GAGE10: variants seen among roughly 807,000 people sequenced by gnomAD.
GAGE10 encodes G antigen 10.
In GAGE10, 9 loss-of-function variants were observed where a neutral mutation model predicts 11.5. The ratio of observed to expected loss-of-function variants is 0.78; its 90% CI spans 0.47 to 1.37. The LOEUF is 1.37. Ranked by LOEUF, GAGE10 falls within the 40% of genes most tolerant of loss-of-function variation. The pLI is 0.00. For synonymous variants in GAGE10, 23 were observed against 29.7 expected (o/e 0.77, Z 0.73); for missense variants, 83 against 92.9 (o/e 0.89, Z 0.44).
At chrX:49,316,832 T>C (rs781842784) in intron 3 of GAGE10, among the ~76,000 whole-genome samples, 1 of 111,182 alleles carries the variant, frequency 9.0e-6, no homozygotes, top group African/African-American at 3.3e-5. Context: ...GTCTAAGTGC[T>C]AGGAGTGTAA....
chrX:49,303,823 G>A (rs782317800), intron 1 of GAGE10, 70 bp downstream of exon 1: 2 of 112,761 alleles, frequency 1.8e-5, no homozygotes, highest in East Asian at 2.8e-4. Context: ...AGTGTGCTTC[G>A]GGTGAGTCCG....
chrX:49,310,383 G>A, intron 3 of GAGE10, among the ~76,000 whole-genome samples: 1 of 111,819 alleles, frequency 8.9e-6, no homozygotes, highest in Non-Finnish European at 1.9e-5. Context: ...AGACATGGAC[G>A]CGGGTGTGAA....
At chrX:49,314,429 C>G (rs1226515739) in intron 3 of GAGE10, among the ~76,000 whole-genome samples, 1 of 112,538 alleles carries the variant, frequency 8.9e-6, no homozygotes, top group Non-Finnish European at 1.9e-5. Context: ...AGCTCTAACA[C>G]TTATATTCAG....
chrX:49,304,971 C>CG (rs2066350378), intron 2 of GAGE10, 31 bp downstream of exon 2: 7 of 1,176,140 alleles, frequency 6.0e-6, no homozygotes, highest in African/African-American at 1.8e-5. Flanking sequence ...TCGTTGTTTT[C>CG]TATTAGCAGA....
At chrX:49,313,670 T>G (rs1161368479) in intron 3 of GAGE10, among the ~76,000 whole-genome samples, 1 of 112,017 alleles carries the variant, frequency 8.9e-6, no homozygotes, top group Non-Finnish European at 1.9e-5. Context: ...ATTGTGATCA[T>G]GTCTACTTCC....
chrX:49,314,068 A>G (rs1481069735), intron 3 of GAGE10, among the ~76,000 whole-genome samples: 1 of 112,330 alleles, frequency 8.9e-6, no homozygotes, highest in African/African-American at 3.2e-5. Context: ...AATGCTGCAA[A>G]TGTCTATGCT....
chrX:49,317,069 C>A (rs2066394487), intron 3 of GAGE10, 94 bp from the exon 4 acceptor site: 6 of 996,175 alleles, frequency 6.0e-6, no homozygotes, highest in Non-Finnish European at 8.2e-6. Flanking sequence ...CTAGCTAAAG[C>A]TTTTATATAA....
At chrX:49,304,415 G>A (rs1377227207) in intron 1 of GAGE10, among the ~76,000 whole-genome samples, 1 of 112,847 alleles carries the variant, frequency 8.9e-6, no homozygotes, top group Non-Finnish European at 1.9e-5. Context: ...TTTTCATGTG[G>A]AGTCCACTTG....
At chrX:49,306,396 G>A (rs782369223) in intron 3 of GAGE10, among the ~76,000 whole-genome samples, 23 of 111,442 alleles carry the variant, frequency 2.1e-4, no homozygotes, top group Non-Finnish European at 3.6e-4. Context: ...TGTTCTTCAC[G>A]GGGTTCATTT....
At chrX:49,317,336 G>C (rs1294327133) in intron 4 of GAGE10, 48 bp downstream of exon 4, 2 of 1,161,118 alleles carry the variant, frequency 1.7e-6, no homozygotes, top group African/African-American at 3.6e-5. Context: ...TGTTTCCACA[G>C]TATCGTATCA....
chrX:49,316,083 G>T (rs1483435571), intron 3 of GAGE10, among the ~76,000 whole-genome samples: 5 of 111,821 alleles, frequency 4.5e-5, no homozygotes, highest in African/African-American at 1.6e-4. Context: ...ATTAAAGAAT[G>T]TGTAAGCAAA....
chrX:49,316,787 C>A (rs1286466838), intron 3 of GAGE10, among the ~76,000 whole-genome samples: 2 of 111,253 alleles, frequency 1.8e-5, no homozygotes, highest in Non-Finnish European at 3.8e-5. Context: ...TTTTTAAACT[C>A]AGCATTTATT....
Position 49,305,838 on chromosome X carries a change from G to T in GAGE10, c.202+314G>T, listed in dbSNP as rs185860241. On this transcript the variant is annotated intron_variant, in intron 3 of 4. Transcript: ENST00000407599. ...TACAAAATTTGTATTTTGTTCCAAG[G>T]TTTGTGTCTTCCTACCATCTATGTT... Among the ~76,000 whole-genome samples, 414 of 111,270 alleles carry T rather than the reference G, an allele frequency of 3.7e-3. 4 individuals carry two copies. The Middle Eastern group carries it at 0.051, about 14-fold the overall frequency.
chrX:49,311,242 A>G (rs1164133675), intron 3 of GAGE10, among the ~76,000 whole-genome samples: 1 of 112,261 alleles, frequency 8.9e-6, no homozygotes, highest in Non-Finnish European at 1.9e-5. Flanking sequence ...ATGGCATAAC[A>G]AAACATTTAA....
intron 4 of GAGE10, among the ~76,000 whole-genome samples, chrX:49,317,902 A>G (rs2066400463): frequency 1.3e-5 from 1 of 77,150 alleles, no homozygotes; most frequent in Non-Finnish European, 2.5e-5. Flanking sequence ...TGTAACACCC[A>G]TCACTTGGTG....
At chrX:49,313,759 G>A (rs2066382790) in intron 3 of GAGE10, among the ~76,000 whole-genome samples, 1 of 111,509 alleles carries the variant, frequency 9.0e-6, no homozygotes, top group African/African-American at 3.3e-5. Context: ...GACTCCCGAC[G>A]ATGACCAGTG....
chrX:49,304,732 G>C, intron 1 of GAGE10, 120 bp from the exon 2 acceptor site: 1 of 965,212 alleles, frequency 1.0e-6, no homozygotes, highest in Non-Finnish European at 1.5e-6. Context: ...GCTTAACTCT[G>C]GGACTTATTT....
intron 3 of GAGE10, among the ~76,000 whole-genome samples, chrX:49,308,558 C>T (rs782366615): frequency 1.7e-4 from 19 of 112,306 alleles, no homozygotes; most frequent in African/African-American, 5.8e-4. Context: ...GATCACCTCC[C>T]GGGGACCGAC....
chrX:49,317,411 C>A (rs1395535991), intron 4 of GAGE10, 123 bp downstream of exon 4: 3 of 1,007,104 alleles, frequency 3.0e-6, no homozygotes, highest in Non-Finnish European at 4.0e-6. Flanking sequence ...GCAGTGGTGG[C>A]ATCTCGGCTC....
Sources: allele counts gnomAD v4.1 joint callset (sites outside exome capture counted in the v4.1 genomes callset), GRCh38; gene constraint gnomAD v4.1.1; transcripts MANE v1.5; gene names NCBI Gene and HGNC (gene_info 2026-07-23, HGNC 2026-07-21).